The following SMG1 variants were observed in gnomAD, a reference collection of about 807,000 sequenced individuals.
SMG1 encodes the protein serine/threonine-protein kinase SMG1.
In SMG1, 22 loss-of-function variants were observed where a neutral mutation model predicts 419.9. The observed-to-expected ratio is 0.05, with a 90% CI of 0.04 to 0.07. SMG1 has a LOEUF of 0.07. SMG1 is among the 10% of genes least tolerant of loss of function. The probability of loss-of-function intolerance (pLI) is 1.00; values close to 1 mark genes in which losing one functional copy is unlikely to be tolerated. For synonymous variants in SMG1, 1,538 were observed against 1,553.5 expected (o/e 0.99, Z 0.23); for missense variants, 3,185 against 4,342.0 (o/e 0.73, Z 7.49).
In SMG1 at chr16:18,809,542, A is replaced by T; in HGVS notation, c.*27T>A. On this transcript the variant is annotated 3_prime_UTR_variant, in exon 63 of 63. Coordinates refer to ENST00000446231, the MANE Select transcript of SMG1 (RefSeq NM_015092.5). ...TTCTGGTGGATGTCTGACCTCGCTT[A>T]ACCAGACTCATCTACTGTCTTGCCA... The T allele has an allele frequency of 1.3e-6, 2 of 1,577,676 alleles. No individual in the cohort carries two copies. Among genetic ancestry groups the T allele is most frequent in the Non-Finnish European group, 1.7e-6 (2 of 1,151,456 alleles).
intron 45 of SMG1, 90 bp downstream of exon 45, chr16:18,837,924 T>C (rs1201760030): frequency 7.1e-7 from 1 of 1,411,954 alleles, no homozygotes; most frequent in African/African-American, 1.4e-5. Flanking sequence ...CCAAAAAAAT[T>C]AGAGAAACAA....
intron 8 of SMG1, 183 bp downstream of exon 8, chr16:18,884,907 C>T: frequency 1.7e-6 from 1 of 595,108 alleles, no homozygotes; most frequent in Non-Finnish European, 3.0e-6. Flanking sequence ...ACTGTACCCA[C>T]CTACTAGTAA....
Position 18,838,621 on chromosome 16 carries a change from C to G in SMG1, c.7014G>C (p.Leu2338=). The change falls in exon 43 of 63, where the codon CTG becomes CTC. Residue 2338 remains leucine, a synonymous_variant. Coordinates refer to ENST00000446231, the MANE Select transcript of SMG1 (RefSeq NM_015092.5). The part of the protein sequence containing the change: ...GYIIGLGDRH[L]DNVLIDMTTG... ...TCGTCATATCTATAAGAACATTATC[C>G]AGATGTCTGTCTCCAAGGCCAATTA... 2 of 1,613,648 alleles carry G rather than the reference C, an allele frequency of 1.2e-6. No individual in the cohort carries two copies. Among genetic ancestry groups the G allele is most frequent in the Non-Finnish European group, 1.7e-6 (2 of 1,179,712 alleles).
rs760916485 is a variant in SMG1 at position 18,879,603 on chromosome 16, G to A, written c.1410C>T (p.Ser470=). The A allele has an allele frequency of 2.1e-5, 29 of 1,389,514 alleles. No homozygotes were observed. The South Asian group carries it at 3.4e-4, about 16-fold the overall frequency. 86.1% of individuals were successfully genotyped at this position (1,389,514 alleles called of 1,614,324 possible). A position where few individuals can be genotyped will look rare whatever the true frequency, so the allele number is the denominator to read the frequency against. ...VGVLLGSLDP[S]MTIHCDMVIT... The stretch of plus-strand genomic sequence containing the variant: ...TGACCATGTCACAATGTATAGTCAT[G>A]CTAGGATCCAAGCTGCCGAGCAAAA... Residue 470 remains serine (S), a synonymous_variant, in exon 11 of 63, where the codon AGC becomes AGT. Transcript: ENST00000446231.
chr16:18,887,572 T>G (rs1169413512), intron 6 of SMG1, among the ~76,000 whole-genome samples: 88 of 121,306 alleles, frequency 7.3e-4, no homozygotes, highest in African/African-American at 2.8e-3. Flanking sequence ...CAGGCTGGTC[T>G]CAAACTCCTG....
intron 1 of SMG1, among the ~76,000 whole-genome samples, chr16:18,910,818 T>C (rs552544047): frequency 3.3e-5 from 5 of 151,864 alleles, no homozygotes; most frequent in Non-Finnish European, 7.4e-5. Flanking sequence ...TCCTCCCTCC[T>C]CCCATTAAAA....
rs1271765013 is a variant in SMG1, at chr16:18,852,056, GT to G, written c.5052+10del. ...GTAGCAATCTTGCCCCAAGCACCATGTTTTCCTTGCCTGAATCCCCGCCGGC... is the reference window on the plus strand; with the variant it reads ...GTAGCAATCTTGCCCCAAGCACCATGTTTCCTTGCCTGAATCCCCGCCGGC... On this transcript the variant is annotated intron_variant, in intron 33 of 62. Transcript: ENST00000446231. 3 of 1,599,510 alleles carry G rather than the reference GT, an allele frequency of 1.9e-6. No individual in the cohort carries two copies. Among genetic ancestry groups the G allele is most frequent in the Non-Finnish European group, 2.6e-6 (3 of 1,174,848 alleles).
chr16:18,838,570 G>A lies in SMG1; in HGVS notation c.7065C>T (p.Tyr2355=). The A allele has an allele frequency of 6.2e-7, 1 of 1,613,580 alleles. No individual in the cohort carries two copies. Among genetic ancestry groups the A allele is most frequent in the Non-Finnish European group, 8.5e-7 (1 of 1,179,564 alleles). The change falls in exon 43 of 63, where the codon TAC becomes TAT. Residue 2355 remains tyrosine, a synonymous_variant. Transcript: ENST00000446231. ...TATTACCTTTTTCAAAGCAAACATT[G>A]TAATCTATGTGAACAACTTCTCCAG... ...MTTGEVVHID[Y]NVCFEKGKSL... is the part of the protein sequence containing the mutation.
intron 46 of SMG1, among the ~76,000 whole-genome samples, chr16:18,836,809 C>T (rs1178990927): frequency 6.6e-6 from 1 of 152,198 alleles, no homozygotes; most frequent in East Asian, 1.9e-4. Context: ...ATCTGAGAGC[C>T]TCACACAATG....
At chr16:18,835,230 C>A in intron 48 of SMG1, 66 bp from the exon 49 acceptor site, 3 of 1,454,764 alleles carry the variant, frequency 2.1e-6, no homozygotes, top group South Asian at 2.6e-5. Context: ...AAGAATATTG[C>A]ATTTAATCCT....
rs536837370 is a variant in SMG1 at position 18,896,741 on chromosome 16, G to A, written c.256+52C>T. 9.4e-5 allele frequency: 135 copies of A among 1,429,576 alleles called. 3 individuals carry two copies. The South Asian group carries it at 1.6e-3, about 17-fold the overall frequency. 88.6% of individuals were successfully genotyped at this position (1,429,576 alleles called of 1,614,324 possible). A position where few individuals can be genotyped will look rare whatever the true frequency, so the allele number is the denominator to read the frequency against. ...TGGGGGTATAAGAAGGCAGGAAGGT[G>A]AGACAGGTAGGTTCAAAAAACATGC... On this transcript the variant is annotated intron_variant, in intron 2 of 62. Transcript: ENST00000446231.
At chr16:18,880,705 T>C (rs1390262682) in intron 10 of SMG1, among the ~76,000 whole-genome samples, 3 of 96,872 alleles carry the variant, frequency 3.1e-5, no homozygotes, top group Non-Finnish European at 5.5e-5. Context: ...ACAGAGACCA[T>C]GTCTCCAAAA....
chr16:18,925,120 C>A (rs1418006685), intron 1 of SMG1: 2 of 152,150 alleles, frequency 1.3e-5, no homozygotes, highest in Non-Finnish European at 2.9e-5. Flanking sequence ...ATAAATCAGT[C>A]CTAAATTAGG....
At chr16:18,908,639 G>A (rs1348945968) in intron 1 of SMG1, among the ~76,000 whole-genome samples, 2 of 152,084 alleles carry the variant, frequency 1.3e-5, no homozygotes, top group African/African-American at 4.8e-5. Context: ...CAGCACTTTG[G>A]GAGGCCAAGG....
chr16:18,912,184 TG>T (rs1281835117), intron 1 of SMG1, among the ~76,000 whole-genome samples: 1 of 147,426 alleles, frequency 6.8e-6, no homozygotes, highest in African/African-American at 2.6e-5. Flanking sequence ...AAACAGCGGG[TG>T]GATTTTTTTT....
chr16:18,895,938 A>C, intron 3 of SMG1, 114 bp downstream of exon 3: 1 of 1,111,700 alleles, frequency 9.0e-7, no homozygotes, highest in East Asian at 2.4e-5. Context: ...TTACCTGCAC[A>C]GTAGGCTAAT....
chr16:18,925,949 C>A lies in SMG1; in HGVS notation c.92+1G>T. The A allele has an allele frequency of 2.6e-6, 4 of 1,556,090 alleles. No individual in the cohort carries two copies. Among genetic ancestry groups the A allele is most frequent in the Non-Finnish European group, 3.5e-6 (4 of 1,157,334 alleles). On this transcript the variant is annotated splice_donor_variant, in intron 1 of 62. Coordinates refer to ENST00000446231, the MANE Select transcript of SMG1 (RefSeq NM_015092.5). LOFTEE classifies it high-confidence loss of function. ...GGCGGGGTCCCGGGCCGGTCACCCA[C>A]CTGGGTTGCCAGTCATTCCAGCTCC... is the stretch of plus-strand genomic sequence containing the variant.
Position 18,838,535 on chromosome 16 carries a change from TCTA to T in SMG1, c.7084+13_7084+15del. On this transcript the variant is annotated intron_variant, in intron 43 of 62. Transcript: ENST00000446231. ...ACATTTGGCCCTCATAAATGTAAAG[TCTA>T]CTTTTATATTACCTTTTTCAAAGCA... The T allele has an allele frequency of 6.2e-7, 1 of 1,613,890 alleles. No homozygotes were observed. Among genetic ancestry groups the T allele is most frequent in the East Asian group, 2.2e-5 (1 of 44,874 alleles).
Position 18,841,701 on chromosome 16 carries a change from C to A in SMG1, c.6560G>T (p.Arg2187Leu), listed in dbSNP as rs952344675. Residue 2187 changes from arginine to leucine, a missense_variant, in exon 41 of 63, where the codon CGG becomes CTG. Around this residue, in one of 27 missense-constraint regions of SMG1, gnomAD observed 35 missense variants for 33.8 expected, o/e 1.04. Transcript: ENST00000446231. Reference sequence around the variant, plus strand: ...TACAGAATAGTGTCGAGCATGGAACCGGGGTGTTTCTTGGCGATTAATTGT... The same window carrying A: ...TACAGAATAGTGTCGAGCATGGAACAGGGGTGTTTCTTGGCGATTAATTGT... ...FATINRQETP[R>L]FHARHYSVTP... 1 of 1,613,858 alleles carries A rather than the reference C, an allele frequency of 6.2e-7. No individual in the cohort carries two copies. The highest frequency in any genetic ancestry group is 8.5e-7 in the Non-Finnish European group (1 of 1,179,876).
Sources: allele counts gnomAD v4.1 joint callset (sites outside exome capture counted in the v4.1 genomes callset), GRCh38; gene constraint gnomAD v4.1.1; regional missense constraint gnomAD v4.1.1; transcripts MANE v1.5; gene names NCBI Gene and HGNC (gene_info 2026-07-23, HGNC 2026-07-21).